The following CCDC180 variants were observed in gnomAD, a reference collection of about 807,000 sequenced individuals.
CCDC180 encodes the protein coiled-coil domain containing 180.
In CCDC180, 154 loss-of-function variants were observed where a neutral mutation model predicts 209.2. The ratio of observed to expected loss-of-function variants is 0.74; its 90% CI spans 0.65 to 0.84. The LOEUF is 0.84. Among genes scored for constraint, CCDC180 ranks in the 40% least tolerant of loss-of-function variants. CCDC180 has a pLI of 0.00. For missense variants in CCDC180, 1,874 were observed against 1,997.3 expected (o/e 0.94, Z 1.18); for synonymous variants, 778 against 749.1 (o/e 1.04, Z -0.63).
rs557395065 is a variant in CCDC180 at position 97,309,444 on chromosome 9, A to G, written c.100A>G (p.Arg34Gly). 34 of 1,602,062 alleles carry G rather than the reference A, an allele frequency of 2.1e-5. No individual in the cohort carries two copies. In the South Asian group the frequency reaches 3.8e-4, roughly 18 times the overall value. Reference protein sequence around the residue: ...VQLVHSLAATRKRAAERSVTL... With the variant: ...VQLVHSLAATGKRAAERSVTL... ...GCTGGTCCACTCCCTGGCGGCCACCAGGAAGCGGGCTGCAGAGCGTTCTGT... is the reference window on the plus strand; with the variant it reads ...GCTGGTCCACTCCCTGGCGGCCACCGGGAAGCGGGCTGCAGAGCGTTCTGT... Residue 34 changes from arginine to glycine, a missense_variant, in exon 3 of 37, where the codon AGG becomes GGG. By Grantham distance (125) the Arg-to-Gly change is moderately radical. Transcript: ENST00000529487.
Position 97,354,927 on chromosome 9 carries a change from C to T in CCDC180, c.3183C>T (p.Phe1061=). The T allele has an allele frequency of 6.2e-7, 1 of 1,614,132 alleles. No homozygotes were observed. Among genetic ancestry groups the T allele is most frequent in the Non-Finnish European group, 8.5e-7 (1 of 1,179,948 alleles). Residue 1061 remains phenylalanine (F), a synonymous_variant, in exon 24 of 37, where the codon TTC becomes TTT. Coordinates refer to ENST00000529487, the MANE Select transcript of CCDC180 (RefSeq NM_020893.6). ...TCATCAACAAGTTTGAAAGCAAATT[C>T]CATAACCTGTCTGTGGACCTTATTT... ...NDVINKFESK[F]HNLSVDLIFI...
At chr9:97,349,734 G>C (rs142920698) in intron 21 of CCDC180, among the ~76,000 whole-genome samples, 146 of 152,300 alleles carry the variant, frequency 9.6e-4, no homozygotes, top group Middle Eastern at 3.4e-3. Context: ...AGAGCAAGGG[G>C]CTCCAGAGAG....
chr9:97,314,911 C>T lies in CCDC180; in HGVS notation c.760C>T (p.Pro254Ser), dbSNP rs1833112639. ...VIEKTSYLMR[P>S]EVYRLINEEA... Reference sequence around the variant, plus strand: ...AGAGAAAACTTCCTACCTCATGCGGCCCGAAGTGTACAGGCTGATAAATGA... The same window carrying T: ...AGAGAAAACTTCCTACCTCATGCGGTCCGAAGTGTACAGGCTGATAAATGA... The change falls in exon 8 of 37, where the codon CCC becomes TCC. Residue 254 changes from proline (P) to serine (S), a missense_variant. Transcript: ENST00000529487. 6.2e-7 allele frequency: 1 copy of T among 1,613,946 alleles called. No individual in the cohort carries two copies. The highest frequency in any genetic ancestry group is 8.5e-7 in the Non-Finnish European group (1 of 1,179,964).
At chr9:97,347,293 C>T in intron 19 of CCDC180, 21 bp from the exon 20 acceptor site, 2 of 1,534,144 alleles carry the variant, frequency 1.3e-6, no homozygotes, top group Non-Finnish European at 1.7e-6. Flanking sequence ...CAGGGCTGAC[C>T]CTGGCTGGTC....
chr9:97,310,567 G>T (rs560314807), intron 3 of CCDC180, among the ~76,000 whole-genome samples: 42 of 152,216 alleles, frequency 2.8e-4, no homozygotes, highest in African/African-American at 9.6e-4. Context: ...AATGGAGCAG[G>T]CGCGGTGCTC....
At position 97,343,501 on chromosome 9, in the gene CCDC180, C is replaced by G. The variant is rs1826152459; in HGVS notation, c.2436C>G (p.Ser812=). ...TFSAMFINDT[S]SAKFIEQVTI... ...CAGCCATGTTCATCAACGACACTTCCAGTGCCAAGTTCATAGAACAAGTGA... is the reference window on the plus strand; with the variant it reads ...CAGCCATGTTCATCAACGACACTTCGAGTGCCAAGTTCATAGAACAAGTGA... Residue 812 remains serine (S), a synonymous_variant, in exon 19 of 37, where the codon TCC becomes TCG. Transcript: ENST00000529487. 1 of 1,613,986 alleles carries G rather than the reference C, an allele frequency of 6.2e-7. No homozygotes were observed. The highest frequency in any genetic ancestry group is 1.1e-5 in the South Asian group (1 of 91,072).
Position 97,309,587 on chromosome 9 carries a change from A to G in CCDC180, c.243A>G (p.Glu81=), listed in dbSNP as rs769820686. Residue 81 remains glutamate, a synonymous_variant, in exon 3 of 37, where the codon GAA becomes GAG. Transcript: ENST00000529487. ...GCCTCCCCAACGACTGGATCATGGA[A>G]AACCCTGTTCTCCACAGGTAGGTCC... ...MHSLPNDWIM[E]NPVLHREKER... The G allele has an allele frequency of 1.5e-5, 24 of 1,586,600 alleles. 1 individual carries two copies. The highest frequency in any genetic ancestry group is 1.7e-4 in the Middle Eastern group (1 of 5,970).
chr9:97,347,166 T>C, intron 19 of CCDC180, 148 bp from the exon 20 acceptor site: 1 of 705,140 alleles, frequency 1.4e-6, no homozygotes, highest in African/African-American at 1.8e-5. Flanking sequence ...AAAAGAGTAA[T>C]GGTCCATTTA....
At chr9:97,371,809 G>T in intron 34 of CCDC180, 103 bp downstream of exon 34, 3 of 630,908 alleles carry the variant, frequency 4.8e-6, no homozygotes, top group South Asian at 2.7e-5. Flanking sequence ...GAAAACAAGT[G>T]ATCCATTGAG....
chr9:97,309,742 C>T (rs1325095010), intron 3 of CCDC180, 138 bp downstream of exon 3: 2 of 634,230 alleles, frequency 3.2e-6, no homozygotes, highest in Non-Finnish European at 5.1e-6. Flanking sequence ...GAGGCTAATA[C>T]CTACCTTGCA....
chr9:97,312,931 C>G (rs112207304), intron 4 of CCDC180, among the ~76,000 whole-genome samples: 1 of 151,812 alleles, frequency 6.6e-6, no homozygotes, highest in African/African-American at 2.4e-5. Context: ...ACCTACTATG[C>G]AGGAAGTGTT....
intron 10 of CCDC180, among the ~76,000 whole-genome samples, chr9:97,318,857 G>A (rs73559859): frequency 0.027 from 4,096 of 152,310 alleles, 184 homozygotes; most frequent in African/African-American, 0.093. Context: ...ATCAGAGCAC[G>A]CAGGAACTGT....
rs564227462 is a variant in CCDC180, at chr9:97,354,514, G to T, written c.3003-55G>T. ...TGTGTCAGCCACAGTATTTGGGATAGATGAGAACTCTTAGGTCTGATCTGT... is the reference window on the plus strand; with the variant it reads ...TGTGTCAGCCACAGTATTTGGGATATATGAGAACTCTTAGGTCTGATCTGT... On this transcript the variant is annotated intron_variant, in intron 22 of 36. Coordinates refer to ENST00000529487, the MANE Select transcript of CCDC180 (RefSeq NM_020893.6). 3 of 1,582,870 alleles carry T rather than the reference G, an allele frequency of 1.9e-6. No individual in the cohort carries two copies. The South Asian group carries it at 3.3e-5, about 18-fold the overall frequency.
intron 31 of CCDC180, among the ~76,000 whole-genome samples, chr9:97,368,300 C>T (rs1826982848): frequency 6.6e-6 from 1 of 152,114 alleles, no homozygotes; most frequent in Admixed American, 6.5e-5. Flanking sequence ...GGTTATTGCC[C>T]TAGGGGCATT....
At chr9:97,376,196 G>C (rs1176142798) in intron 36 of CCDC180, 1 of 156,550 alleles carries the variant, frequency 6.4e-6, no homozygotes, top group Non-Finnish European at 1.4e-5. Context: ...GCTACACCCA[G>C]TTGCCACTTG....
rs1826351815 is a variant in CCDC180 at position 97,349,100 on chromosome 9, T to C, written c.2675-11T>C. 1.3e-6 allele frequency: 2 copies of C among 1,534,488 alleles called. No individual in the cohort carries two copies. Among genetic ancestry groups the C allele is most frequent in the East Asian group, 4.9e-5 (2 of 40,868 alleles). On this transcript the variant is annotated splice_polypyrimidine_tract_variant and intron_variant, in intron 20 of 36. Transcript: ENST00000529487. ...GTCCCCGGGGCCCCAGCTCTCTTAA[T>C]CCTTTTTCAGCCGAGCTTTTGCTTC...
Position 97,377,677 on chromosome 9 carries a change from A to T in CCDC180, c.*783A>T, listed in dbSNP as rs1827294492. ...TCTGCTCTCCTGGTTTGCTCCACCC[A>T]GTGAGGCCCTGCTTGGTTAGCTTGG... is the stretch of plus-strand genomic sequence containing the variant. On this transcript the variant is annotated 3_prime_UTR_variant, in exon 37 of 37. Coordinates refer to ENST00000529487, the MANE Select transcript of CCDC180 (RefSeq NM_020893.6). The T allele has an allele frequency of 2.6e-5, 4 of 152,154 alleles. No homozygotes were observed. The highest frequency in any genetic ancestry group is 2.6e-4 in the Admixed American group (4 of 15,282). The allele number at this position is 152,154 out of a possible 1,614,324, so 9.4% of individuals were successfully genotyped here.
chr9:97,318,905 C>T (rs1026211632), intron 10 of CCDC180, among the ~76,000 whole-genome samples: 1 of 152,120 alleles, frequency 6.6e-6, no homozygotes, highest in Admixed American at 6.5e-5. Context: ...TCTGAGGGCA[C>T]TGGGGAGCAG....
At chr9:97,364,924 C>T (rs767709470) in intron 29 of CCDC180, among the ~76,000 whole-genome samples, 17 of 152,148 alleles carry the variant, frequency 1.1e-4, no homozygotes, top group Non-Finnish European at 1.9e-4. Context: ...CTGGGGATTC[C>T]ATGGTGAACA....
Sources: allele counts gnomAD v4.1 joint callset (sites outside exome capture counted in the v4.1 genomes callset), GRCh38; gene constraint gnomAD v4.1.1; transcripts MANE v1.5; gene names NCBI Gene and HGNC (gene_info 2026-07-23, HGNC 2026-07-21).